Variants in GALNT13 observed in about 807,000 individuals in gnomAD.
The protein encoded by GALNT13 is polypeptide N-acetylgalactosaminyltransferase 13, also known as UDP-GalNAc:polypeptide N-acetylgalactosaminyltransferase 13.
A neutral mutation model predicts 64.2 loss-of-function variants in GALNT13; 28 were observed. The ratio of observed to expected loss-of-function variants is 0.44; its 90% CI spans 0.32 to 0.60. The LOEUF (loss-of-function observed/expected upper bound fraction) is 0.60, where lower values mean the gene tolerates loss of function less well. GALNT13 is among the 20% of genes least tolerant of loss of function. GALNT13 has a pLI of 0.05. For synonymous variants in GALNT13, 214 were observed against 224.6 expected (o/e 0.95, Z 0.42); for missense variants, 577 against 669.8 (o/e 0.86, Z 1.53).
intron 4 of GALNT13, among the ~76,000 whole-genome samples, chr2:154,161,873 C>T (rs1684747626): frequency 1.3e-5 from 2 of 151,914 alleles, no homozygotes; most frequent in South Asian, 2.1e-4. Flanking sequence ...CTCCACCTCC[C>T]GGGTTCACAC....
chr2:153,217,009 T>G, the GALNT13 span, among the ~76,000 whole-genome samples: 1 of 152,032 alleles, frequency 6.6e-6, no homozygotes, highest in Non-Finnish European at 1.5e-5. Context: ...TATTTTTTCC[T>G]CTCTTTTTTG....
chr2:154,310,952 A>ATAGAATATTCTAAGAATATATATTCT (rs1693999028), intron 9 of GALNT13, among the ~76,000 whole-genome samples: 1 of 151,828 alleles, frequency 6.6e-6, no homozygotes, highest in African/African-American at 2.4e-5. Flanking sequence ...ATATATATTC[A>ATAGAATATTCTAAGAATATATATTCT]TAGAATATTC....
intron 4 of GALNT13, among the ~76,000 whole-genome samples, chr2:154,183,513 C>G (rs1216665245): frequency 6.6e-6 from 1 of 152,064 alleles, no homozygotes; most frequent in Non-Finnish European, 1.5e-5. Flanking sequence ...AAGTTCAAGA[C>G]AAGCCTGGGC....
chr2:153,503,642 C>T, the GALNT13 span, among the ~76,000 whole-genome samples: 8 of 151,996 alleles, frequency 5.3e-5, no homozygotes, highest in South Asian at 2.1e-4. Context: ...GGTTTCACCC[C>T]GTTGGCCAGG....
At chr2:153,283,601 C>T in the GALNT13 span, among the ~76,000 whole-genome samples, 1 of 151,976 alleles carries the variant, frequency 6.6e-6, no homozygotes, top group Admixed American at 6.6e-5. Flanking sequence ...GTGGAGAGGG[C>T]CCCACTTCAC....
At chr2:153,454,705 C>T in the GALNT13 span, among the ~76,000 whole-genome samples, 3 of 152,208 alleles carry the variant, frequency 2.0e-5, no homozygotes, top group African/African-American at 7.2e-5. Flanking sequence ...CCTTCCATAT[C>T]TCCTCTCCAC....
chr2:153,274,806 T>C, the GALNT13 span, among the ~76,000 whole-genome samples: 2 of 152,230 alleles, frequency 1.3e-5, no homozygotes, highest in Admixed American at 1.3e-4. Flanking sequence ...CTTAACTGAC[T>C]TCCACATCTT....
intron 1 of GALNT13, among the ~76,000 whole-genome samples, chr2:153,894,940 G>T (rs1687794104): frequency 6.6e-6 from 1 of 152,130 alleles, no homozygotes; most frequent in South Asian, 2.1e-4. Context: ...CTGAATCAGT[G>T]ACCTGGTAGA....
the GALNT13 span, among the ~76,000 whole-genome samples, chr2:153,124,449 A>G: frequency 2.6e-5 from 4 of 152,334 alleles, no homozygotes; most frequent in Admixed American, 2.6e-4. Context: ...GGAAATTTAC[A>G]GAGATACTAT....
intron 12 of GALNT13, among the ~76,000 whole-genome samples, chr2:154,448,493 C>T (rs1701708777): frequency 6.6e-6 from 1 of 151,958 alleles, no homozygotes; most frequent in Admixed American, 6.6e-5. Context: ...AAGTAAAGGA[C>T]AGGAATTTAC....
the GALNT13 span, among the ~76,000 whole-genome samples, chr2:153,477,128 C>T: frequency 2.0e-5 from 3 of 152,116 alleles, no homozygotes; most frequent in Non-Finnish European, 4.4e-5. Context: ...AGGATGCTGC[C>T]TCCAGGACGG....
chr2:153,824,651 G>T, the GALNT13 span, among the ~76,000 whole-genome samples: 2 of 152,074 alleles, frequency 1.3e-5, no homozygotes, highest in Admixed American at 6.5e-5. Flanking sequence ...TTTCACATCT[G>T]ATATGATTTG....
At chr2:153,440,257 A>T in the GALNT13 span, among the ~76,000 whole-genome samples, 2 of 152,244 alleles carry the variant, frequency 1.3e-5, no homozygotes, top group East Asian at 1.9e-4. Flanking sequence ...AGCTTCATCC[A>T]TGTCCCTGCA....
At chr2:153,712,949 A>G in the GALNT13 span, among the ~76,000 whole-genome samples, 1 of 152,296 alleles carries the variant, frequency 6.6e-6, no homozygotes, top group Admixed American at 6.5e-5. Flanking sequence ...GAATGGATCT[A>G]TTTCAGCCAT....
the GALNT13 span, among the ~76,000 whole-genome samples, chr2:153,341,702 C>T: frequency 1.3e-5 from 2 of 152,160 alleles, no homozygotes; most frequent in Non-Finnish European, 1.5e-5. Flanking sequence ...CTAATTGGCC[C>T]CTCTGTTAGA....
chr2:153,881,171 G>T (rs1408267733), intron 1 of GALNT13, among the ~76,000 whole-genome samples: 1 of 152,128 alleles, frequency 6.6e-6, no homozygotes, highest in African/African-American at 2.4e-5. Flanking sequence ...GCAGGCCATG[G>T]CTCCAAAGGA....
intron 3 of GALNT13, among the ~76,000 whole-genome samples, chr2:153,970,043 G>A (rs1558881442): frequency 6.6e-6 from 1 of 152,138 alleles, no homozygotes; most frequent in Non-Finnish European, 1.5e-5. Context: ...TTACTACGTA[G>A]CATGCCATGA....
the GALNT13 span, among the ~76,000 whole-genome samples, chr2:153,114,557 T>C: frequency 6.6e-6 from 1 of 152,092 alleles, no homozygotes; most frequent in Non-Finnish European, 1.5e-5. Flanking sequence ...TGTAGAAAAA[T>C]GTGAACACAT....
the GALNT13 span, among the ~76,000 whole-genome samples, chr2:153,796,185 A>G: frequency 6.6e-6 from 1 of 152,224 alleles, no homozygotes; most frequent in Non-Finnish European, 1.5e-5. Context: ...ATTATAATGC[A>G]AGAGCATCAG....
Sources: gnomAD v4.1 joint callset for allele counts (sites outside exome capture counted in the v4.1 genomes callset) on GRCh38, gnomAD v4.1.1 for gene constraint, MANE v1.5 for transcripts, NCBI Gene and HGNC (gene_info 2026-07-23, HGNC 2026-07-21) for gene names.